The following SLC24A2 variants were observed in gnomAD, a reference collection of about 807,000 sequenced individuals.
SLC24A2 encodes the protein solute carrier family 24 member 2.
In SLC24A2, 36 loss-of-function variants were observed where a neutral mutation model predicts 62.0. The ratio of observed to expected loss-of-function variants is 0.58; its 90% CI spans 0.44 to 0.77. The LOEUF is 0.77. Ranked by LOEUF, SLC24A2 falls within the 30% of genes least tolerant of loss-of-function variation. SLC24A2 has a pLI of 0.00. For missense variants in SLC24A2, 846 were observed against 817.9 expected, an observed-to-expected ratio of 1.03 and a Z score of -0.42; for synonymous variants, 358 against 294.0, an observed-to-expected ratio of 1.22 and a Z score of -2.23.
intron 2 of SLC24A2, among the ~76,000 whole-genome samples, chr9:19,731,586 A>T (rs1821340413): frequency 6.6e-6 from 1 of 151,964 alleles, no homozygotes; most frequent in Non-Finnish European, 1.5e-5. Flanking sequence ...AAACAGCAAG[A>T]AGTTGAACAT....
the SLC24A2 span, among the ~76,000 whole-genome samples, chr9:19,949,016 C>T: frequency 2.0e-5 from 3 of 151,534 alleles, no homozygotes; most frequent in East Asian, 5.8e-4. Context: ...ATTTTTGAGA[C>T]GGAGTCTTAC....
chr9:19,862,142 C>A, the SLC24A2 span, among the ~76,000 whole-genome samples: 2 of 152,104 alleles, frequency 1.3e-5, no homozygotes, highest in African/African-American at 4.8e-5. Context: ...AATCTCAAGG[C>A]ATTTAATAAT....
In SLC24A2 at chr9:19,639,136, C is replaced by A. The variant is rs911597694; in HGVS notation, c.931-16837G>T. Among the ~76,000 whole-genome samples the A allele has an allele frequency of 3.9e-5, 6 of 152,084 alleles. No individual in the cohort carries two copies. The South Asian group carries it at 6.2e-4, about 16-fold the overall frequency. ...TTTTCCCCCAACAACAACAAAAATT[C>A]TCTCCCACAGATCTTCATTCCCTCT... On this transcript the variant is annotated intron_variant, in intron 2 of 10. Transcript: ENST00000341998.
At chr9:20,119,905 C>T in the SLC24A2 span, among the ~76,000 whole-genome samples, 1 of 152,284 alleles carries the variant, frequency 6.6e-6, no homozygotes, top group East Asian at 1.9e-4. Context: ...TTTTGACAAA[C>T]TTAGAGGATC....
the SLC24A2 span, among the ~76,000 whole-genome samples, chr9:19,852,404 T>A: frequency 6.6e-6 from 1 of 152,236 alleles, no homozygotes; most frequent in Non-Finnish European, 1.5e-5. Flanking sequence ...CATGCCTATT[T>A]CCTGAATGGC....
chr9:19,645,090 G>C (rs1818604018), intron 2 of SLC24A2, among the ~76,000 whole-genome samples: 1 of 152,118 alleles, frequency 6.6e-6, no homozygotes, highest in African/African-American at 2.4e-5. Context: ...ATGTCCACTG[G>C]TGAAAAGAAT....
At chr9:19,546,184 A>G (rs1834556706) in intron 8 of SLC24A2, among the ~76,000 whole-genome samples, 1 of 152,204 alleles carries the variant, frequency 6.6e-6, no homozygotes, top group Non-Finnish European at 1.5e-5. Context: ...CATGGGTGTC[A>G]GGGACCCACT....
chr9:19,853,970 C>A, the SLC24A2 span, among the ~76,000 whole-genome samples: 1 of 152,138 alleles, frequency 6.6e-6, no homozygotes, highest in East Asian at 1.9e-4. Context: ...TGTATTACTG[C>A]CTCAATTTCA....
At chr9:19,823,056 A>G in the SLC24A2 span, among the ~76,000 whole-genome samples, 2 of 152,148 alleles carry the variant, frequency 1.3e-5, no homozygotes, top group South Asian at 2.1e-4. Context: ...ATCTTTTCCA[A>G]TTCTAGTCCC....
At chr9:19,697,626 A>G (rs1378511753) in intron 2 of SLC24A2, among the ~76,000 whole-genome samples, 4 of 152,220 alleles carry the variant, frequency 2.6e-5, no homozygotes, top group Admixed American at 1.3e-4. Flanking sequence ...CTTAGCTAAA[A>G]TTATCATTTT....
At chr9:20,266,832 C>A in the SLC24A2 span, among the ~76,000 whole-genome samples, 1 of 152,000 alleles carries the variant, frequency 6.6e-6, no homozygotes, top group African/African-American at 2.4e-5. Context: ...AATTCCAATA[C>A]TTTGGGAGGC....
chr9:19,751,616 A>G (rs891553246), intron 2 of SLC24A2, among the ~76,000 whole-genome samples: 4 of 152,158 alleles, frequency 2.6e-5, no homozygotes, highest in Non-Finnish European at 5.9e-5. Context: ...TTTTTGGGGA[A>G]AAAAGGGATG....
At chr9:19,719,269 T>G (rs565800633) in intron 2 of SLC24A2, among the ~76,000 whole-genome samples, 2 of 152,274 alleles carry the variant, frequency 1.3e-5, no homozygotes, top group Non-Finnish European at 2.9e-5. Flanking sequence ...ATTACAACAC[T>G]CTTGTCACCA....
At chr9:20,282,664 A>C in the SLC24A2 span, among the ~76,000 whole-genome samples, 1 of 152,222 alleles carries the variant, frequency 6.6e-6, no homozygotes, top group Middle Eastern at 3.2e-3. Context: ...AGAAATTTTG[A>C]AAAATATAGA....
Position 19,509,113 on chromosome 9 carries a change from T to C in SLC24A2, c.*7040A>G, listed in dbSNP as rs1441635751. 6.6e-6 allele frequency: 1 copy of C among 152,192 alleles called. No individual in the cohort carries two copies. Among genetic ancestry groups the C allele is most frequent in the Non-Finnish European group, 1.5e-5 (1 of 68,030 alleles). The allele number at this position is 152,192 out of a possible 1,614,324, so 9.4% of individuals were successfully genotyped here. On this transcript the variant is annotated 3_prime_UTR_variant, in exon 11 of 11. Transcript: ENST00000341998. ...TCAAACACATCCTACATTTCCCAGG[T>C]ATATGTTTGCTAATTATCTATTTCA...
chr9:19,880,054 T>A, the SLC24A2 span, among the ~76,000 whole-genome samples: 1 of 152,122 alleles, frequency 6.6e-6, no homozygotes, highest in Admixed American at 6.5e-5. Flanking sequence ...AGAGTCAAAA[T>A]CTACTTATGT....
At chr9:19,587,369 G>A (rs890059200) in intron 5 of SLC24A2, among the ~76,000 whole-genome samples, 1 of 152,180 alleles carries the variant, frequency 6.6e-6, no homozygotes, top group Non-Finnish European at 1.5e-5. Context: ...CTTATAGCAT[G>A]TATTGTCCCC....
the SLC24A2 span, among the ~76,000 whole-genome samples, chr9:20,225,835 G>T: frequency 3.3e-5 from 5 of 151,684 alleles, no homozygotes; most frequent in Non-Finnish European, 5.9e-5. Flanking sequence ...ATGGCCATGG[G>T]TCTGAGGATA....
At chr9:20,051,657 C>CTTTTTTTTTTTTTTTTTTTTTTTTTTTTT in the SLC24A2 span, among the ~76,000 whole-genome samples, 2 of 73,514 alleles carry the variant, frequency 2.7e-5, no homozygotes, top group African/African-American at 6.1e-5. Context: ...TTTTCTTTCT[C>CTTTTTTTTTTTTTTTTTTTTTTTTTTTTT]TTTTTTTTTT....
Sources: allele counts gnomAD v4.1 joint callset (sites outside exome capture counted in the v4.1 genomes callset), GRCh38; gene constraint gnomAD v4.1.1; transcripts MANE v1.5; gene names NCBI Gene and HGNC (gene_info 2026-07-23, HGNC 2026-07-21).